Variants in DYSF observed in about 807,000 individuals in gnomAD.
The protein encoded by DYSF is dystrophy-associated fer-1-like 1.
In DYSF, 212 loss-of-function variants were observed where a neutral mutation model predicts 274.9. The observed-to-expected ratio is 0.77, with a 90% CI of 0.69 to 0.86. DYSF has a LOEUF of 0.86. Ranked by LOEUF, DYSF falls within the 40% of genes least tolerant of loss-of-function variation. DYSF has a pLI of 0.00. For missense variants in DYSF, 2,666 were observed against 2,783.2 expected, an observed-to-expected ratio of 0.96 and a Z score of 0.95; for synonymous variants, 1,091 against 1,078.7, an observed-to-expected ratio of 1.01 and a Z score of -0.22.
intron 41 of DYSF, among the ~76,000 whole-genome samples, chr2:71,641,034 A>G (rs1348427052): frequency 6.6e-6 from 1 of 152,034 alleles, no homozygotes; most frequent in African/African-American, 2.4e-5. Context: ...CACTTCATCT[A>G]CATTTTCTAA....
intron 3 of DYSF, among the ~76,000 whole-genome samples, chr2:71,484,184 C>G (rs2083181607): frequency 6.6e-6 from 1 of 150,812 alleles, no homozygotes; most frequent in African/African-American, 2.4e-5. Context: ...TCCCTACTAG[C>G]TGGGATTACA....
At chr2:71,589,553 C>A (rs749920175) in intron 30 of DYSF, 40 bp from the exon 31 acceptor site, 1 of 1,579,392 alleles carries the variant, frequency 6.3e-7, no homozygotes, top group Non-Finnish European at 8.7e-7. Flanking sequence ...ACCCCCAGGC[C>A]TGGGGGCAGA....
At chr2:71,531,134 A>C (rs1355950998) in intron 14 of DYSF, among the ~76,000 whole-genome samples, 1 of 152,040 alleles carries the variant, frequency 6.6e-6, no homozygotes, top group East Asian at 1.9e-4. Flanking sequence ...AATTGAAAAA[A>C]ATCAGAGACA....
At position 71,667,370 on chromosome 2, in the gene DYSF, G is replaced by A; in HGVS notation, c.5318-6G>A. On this transcript the variant is annotated splice_polypyrimidine_tract_variant and splice_region_variant and intron_variant, in intron 47 of 55. Transcript: ENST00000410020. ...CTGCAACTTTTTTGTCTTCTCTCTGGGGCAGAGGCTGGCAGGATCCCAAAC... is the reference window on the plus strand; with the variant it reads ...CTGCAACTTTTTTGTCTTCTCTCTGAGGCAGAGGCTGGCAGGATCCCAAAC... 6.2e-7 allele frequency: 1 copy of A among 1,614,038 alleles called. No individual in the cohort carries two copies. The highest frequency in any genetic ancestry group is 1.1e-5 in the South Asian group (1 of 91,072).
intron 29 of DYSF, 149 bp downstream of exon 29, chr2:71,570,890 C>T (rs1207693184): frequency 2.6e-6 from 3 of 1,167,964 alleles, no homozygotes; most frequent in Non-Finnish European, 3.6e-6. Context: ...TCACAGATCA[C>T]ACCCAGCATA....
Position 71,513,754 on chromosome 2 carries a change from A to C in DYSF, c.592A>C (p.Thr198Pro), listed in dbSNP as rs142265349. Residue 198 changes from threonine to proline, a missense_variant, in exon 7 of 56, where the codon ACT (threonine) becomes CCT (proline). By Grantham distance (38) the Thr-to-Pro change is conservative. This residue lies in a region of DYSF where 794 missense variants were observed against 777.1 expected (regional missense o/e 1.02). Coordinates refer to ENST00000410020, the MANE Select transcript of DYSF (RefSeq NM_001130987.2). ...GGAAGACACAGAGGACCAGGGACTC[A>C]CTGGAGATGAGGCGGAGCCATTCCT... ...GEEDTEDQGL[T>P]GDEAEPFLDQ... The C allele has an allele frequency of 1.8e-4, 292 of 1,614,028 alleles. No homozygotes were observed. The highest frequency in any genetic ancestry group is 2.3e-4 in the Non-Finnish European group (277 of 1,180,002).
chr2:71,512,907 C>T (rs992286729), intron 5 of DYSF, among the ~76,000 whole-genome samples: 5 of 152,066 alleles, frequency 3.3e-5, no homozygotes, highest in African/African-American at 1.2e-4. Flanking sequence ...ACCTGGTAAT[C>T]CTGAGCTGTG....
At chr2:71,617,879 G>GGTGTGT (rs756123529) in intron 40 of DYSF, among the ~76,000 whole-genome samples, 1 of 20,668 alleles carries the variant, frequency 4.8e-5, no homozygotes, top group Non-Finnish European at 1.0e-4. Flanking sequence ...GTAGAGGTGG[G>GGTGTGT]GTGTGTGTGG....
intron 47 of DYSF, among the ~76,000 whole-genome samples, chr2:71,666,216 G>A (rs970025230): frequency 2.0e-5 from 3 of 152,186 alleles, no homozygotes; most frequent in African/African-American, 4.8e-5. Context: ...CTTTAGCACA[G>A]GGCCATGGCT....
chr2:71,497,313 TC>T (rs2084503758), intron 3 of DYSF, among the ~76,000 whole-genome samples: 4 of 152,212 alleles, frequency 2.6e-5, no homozygotes. Flanking sequence ...TTTGGCTGTG[TC>T]CCCACCCAAA....
chr2:71,620,432 C>G (rs2094067934), intron 40 of DYSF, 115 bp from the exon 41 acceptor site: 1 of 1,101,562 alleles, frequency 9.1e-7, no homozygotes, highest in African/African-American at 1.6e-5. Flanking sequence ...ACATGTTCTC[C>G]CTGGAGGAAG....
intron 42 of DYSF, among the ~76,000 whole-genome samples, chr2:71,653,857 A>G (rs1244957111): frequency 3.6e-5 from 4 of 111,008 alleles, no homozygotes; most frequent in African/African-American, 1.1e-4. Context: ...AATTTCTGAT[A>G]TGGCTAAAAA....
chr2:71,574,862 C>T (rs1314476663), intron 30 of DYSF, among the ~76,000 whole-genome samples: 4 of 152,148 alleles, frequency 2.6e-5, no homozygotes, highest in Admixed American at 6.5e-5. Flanking sequence ...GCCCAGGGTG[C>T]GCTTTCTGTA....
At chr2:71,675,621 A>C (rs536227195) in intron 52 of DYSF, among the ~76,000 whole-genome samples, 2 of 152,326 alleles carry the variant, frequency 1.3e-5, no homozygotes, top group East Asian at 3.9e-4. Context: ...CAGGTGCAAA[A>C]AGCGTGGCAC....
intron 23 of DYSF, among the ~76,000 whole-genome samples, chr2:71,563,710 C>T (rs915471551): frequency 1.3e-5 from 2 of 152,146 alleles, no homozygotes; most frequent in African/African-American, 4.8e-5. Context: ...ATGTTTGCCC[C>T]CTGGGAATGT....
At chr2:71,457,539 C>A (rs535389665) in intron 1 of DYSF, among the ~76,000 whole-genome samples, 2 of 152,274 alleles carry the variant, frequency 1.3e-5, no homozygotes, top group South Asian at 2.1e-4. Flanking sequence ...CCTGATGCCC[C>A]CCTCGGTCTG....
At chr2:71,499,375 C>A (rs1423912818) in intron 3 of DYSF, among the ~76,000 whole-genome samples, 1 of 152,186 alleles carries the variant, frequency 6.6e-6, no homozygotes, top group Non-Finnish European at 1.5e-5. Flanking sequence ...ATTTACCTGT[C>A]GTCTATGATG....
At chr2:71,629,219 C>G (rs2094269993) in intron 41 of DYSF, among the ~76,000 whole-genome samples, 2 of 152,120 alleles carry the variant, frequency 1.3e-5, no homozygotes, top group African/African-American at 4.8e-5. Flanking sequence ...TTAGCAGTTT[C>G]TAATCTGCTA....
intron 1 of DYSF, among the ~76,000 whole-genome samples, chr2:71,479,238 A>T (rs2082677897): frequency 7.0e-6 from 1 of 143,750 alleles, no homozygotes; most frequent in Admixed American, 7.2e-5. Context: ...TCTTTTCCTG[A>T]TGCTTACTGG....
Sources: gnomAD v4.1 joint callset for allele counts (sites outside exome capture counted in the v4.1 genomes callset) on GRCh38, gnomAD v4.1.1 for gene constraint, gnomAD v4.1.1 regional missense constraint, MANE v1.5 for transcripts, NCBI Gene and HGNC (gene_info 2026-07-23, HGNC 2026-07-21) for gene names.